AUTS2: variants seen among roughly 807,000 people sequenced by gnomAD.
AUTS2 encodes the protein autism susceptibility gene 2 protein.
Under a neutral mutation model 112.4 loss-of-function variants are expected in AUTS2, and 17 were observed. The ratio of observed to expected loss-of-function variants is 0.15; its 90% CI spans 0.10 to 0.23. AUTS2 has a LOEUF of 0.23. AUTS2 is among the 10% of genes least tolerant of loss of function. The pLI is 1.00. For missense variants in AUTS2, 1,510 were observed against 1,701.6 expected (o/e 0.89, Z 1.98); for synonymous variants, 751 against 702.7 (o/e 1.07, Z -1.09).
chr7:69,607,769 G>A (rs1021646198), intron 1 of AUTS2, among the ~76,000 whole-genome samples: 3 of 152,172 alleles, frequency 2.0e-5, no homozygotes, highest in Non-Finnish European at 4.4e-5. Context: ...CAAGAGAAAA[G>A]CCCACAGTTT....
chr7:70,768,578 A>G (rs558503890), intron 10 of AUTS2, among the ~76,000 whole-genome samples: 66 of 152,330 alleles, frequency 4.3e-4, no homozygotes, highest in South Asian at 3.9e-3. Context: ...GTTTGTTACA[A>G]TAGAAAGTAA....
In AUTS2 at chr7:70,344,966, G is replaced by C. The variant is rs75548945; in HGVS notation, c.661-90786G>C. The stretch of plus-strand genomic sequence containing the variant: ...ATATGCTATTACTTGTCTCAGATAA[G>C]TAGACAGGTGGCTGTTTGCAAAGCA... On this transcript the variant is annotated intron_variant, in intron 4 of 18. Coordinates refer to ENST00000342771, the MANE Select transcript of AUTS2 (RefSeq NM_015570.4). Among the ~76,000 whole-genome samples the C allele has an allele frequency of 2.3e-3, 344 of 152,344 alleles. 16 individuals carry two copies. In the East Asian group the frequency reaches 0.063, roughly 28 times the overall value.
At chr7:69,917,316 A>T (rs1795621590) in intron 2 of AUTS2, among the ~76,000 whole-genome samples, 1 of 143,036 alleles carries the variant, frequency 7.0e-6, no homozygotes, top group African/African-American at 2.6e-5. Context: ...GTGCTTCCTA[A>T]TCCCATGCCC....
intron 5 of AUTS2, among the ~76,000 whole-genome samples, chr7:70,569,554 T>C (rs1359230614): frequency 6.6e-6 from 1 of 152,234 alleles, no homozygotes; most frequent in African/African-American, 2.4e-5. Flanking sequence ...GTCTCCCTAG[T>C]TCAGCACAGT....
intron 2 of AUTS2, among the ~76,000 whole-genome samples, chr7:69,984,188 C>T (rs527540716): frequency 6.4e-4 from 98 of 152,084 alleles, no homozygotes; most frequent in African/African-American, 2.3e-3. Context: ...GAGGCCAAGG[C>T]GGGCGGATCA....
chr7:69,621,226 AGG>A (rs1295234462), intron 1 of AUTS2, among the ~76,000 whole-genome samples: 2 of 152,192 alleles, frequency 1.3e-5, no homozygotes, highest in Non-Finnish European at 2.9e-5. Flanking sequence ...TTTACACCCA[AGG>A]ACGAGTGTGT....
chr7:69,857,606 A>G (rs1251952332), intron 1 of AUTS2, among the ~76,000 whole-genome samples: 1 of 152,190 alleles, frequency 6.6e-6, no homozygotes, highest in African/African-American at 2.4e-5. Flanking sequence ...TAGATGGTTC[A>G]TTTATTATAC....
At chr7:70,711,083 A>G (rs916526658) in intron 6 of AUTS2, among the ~76,000 whole-genome samples, 3 of 152,186 alleles carry the variant, frequency 2.0e-5, no homozygotes, top group Non-Finnish European at 4.4e-5. Flanking sequence ...ATTTGACCAC[A>G]TGACCCAGTT....
intron 2 of AUTS2, among the ~76,000 whole-genome samples, chr7:69,943,846 A>G (rs1796713081): frequency 6.6e-6 from 1 of 152,216 alleles, no homozygotes; most frequent in Non-Finnish European, 1.5e-5. Context: ...GGCACATACT[A>G]TTTTGAAGCA....
At chr7:70,005,394 G>A (rs921301905) in intron 2 of AUTS2, among the ~76,000 whole-genome samples, 4 of 152,166 alleles carry the variant, frequency 2.6e-5, no homozygotes, top group Middle Eastern at 3.2e-3. Flanking sequence ...AATTGCTAGT[G>A]TCTGGCATGT....
rs1789299806 is a variant in AUTS2 at position 70,757,708 on chromosome 7, C to G, written c.743-5162C>G. Among the ~76,000 whole-genome samples the G allele has an allele frequency of 2.0e-5, 3 of 151,834 alleles. No homozygotes were observed. In the South Asian group the frequency reaches 6.2e-4, roughly 32 times the overall value. ...TTTTTTATGCATATATACACACACA[C>G]ACACCCCAGTTCCCTGTCTATCCAG... is the stretch of plus-strand genomic sequence containing the variant. On this transcript the variant is annotated intron_variant, in intron 6 of 18. Coordinates refer to ENST00000342771, the MANE Select transcript of AUTS2 (RefSeq NM_015570.4).
At chr7:69,727,610 T>A (rs1562840998) in intron 1 of AUTS2, among the ~76,000 whole-genome samples, 1 of 151,976 alleles carries the variant, frequency 6.6e-6, no homozygotes, top group Non-Finnish European at 1.5e-5. Flanking sequence ...ATAAAAAAAA[T>A]AAAAAATCAG....
At chr7:70,124,427 G>C (rs1805850671) in intron 3 of AUTS2, among the ~76,000 whole-genome samples, 1 of 152,078 alleles carries the variant, frequency 6.6e-6, no homozygotes, top group Non-Finnish European at 1.5e-5. Context: ...TGAAATCTTT[G>C]CCCTTTCCTA....
chr7:70,622,345 G>T (rs570600787), intron 5 of AUTS2, among the ~76,000 whole-genome samples: 1 of 152,042 alleles, frequency 6.6e-6, no homozygotes, highest in Admixed American at 6.5e-5. Context: ...TCATCCTGCC[G>T]TCTAGACCTG....
chr7:70,079,346 A>G (rs996828367), intron 2 of AUTS2, among the ~76,000 whole-genome samples: 3 of 152,110 alleles, frequency 2.0e-5, no homozygotes, highest in Non-Finnish European at 4.4e-5. Context: ...TATATTAAAA[A>G]AAATAATTAG....
intron 4 of AUTS2, among the ~76,000 whole-genome samples, chr7:70,136,311 A>T (rs569060171): frequency 6.6e-6 from 1 of 152,304 alleles, no homozygotes; most frequent in African/African-American, 2.4e-5. Flanking sequence ...CATGGAGAAG[A>T]TACATACCAG....
chr7:70,319,106 C>T (rs1351582350), intron 4 of AUTS2, among the ~76,000 whole-genome samples: 1 of 152,122 alleles, frequency 6.6e-6, no homozygotes, highest in East Asian at 1.9e-4. Flanking sequence ...CTTGCCATGT[C>T]AGCAAAAGAT....
chr7:69,864,961 G>A (rs912675956), intron 1 of AUTS2, among the ~76,000 whole-genome samples: 1 of 152,152 alleles, frequency 6.6e-6, no homozygotes, highest in South Asian at 2.1e-4. Context: ...CACACATTAT[G>A]TAAGTTTCAC....
At chr7:69,873,880 A>G (rs891244614) in intron 1 of AUTS2, among the ~76,000 whole-genome samples, 4 of 152,196 alleles carry the variant, frequency 2.6e-5, no homozygotes, top group East Asian at 1.9e-4. Flanking sequence ...TGTAATGTTT[A>G]TTGATACTTA....
Sources: gnomAD v4.1 joint callset for allele counts (sites outside exome capture counted in the v4.1 genomes callset) on GRCh38, gnomAD v4.1.1 for gene constraint, MANE v1.5 for transcripts, NCBI Gene and HGNC (gene_info 2026-07-23, HGNC 2026-07-21) for gene names.